The following SSBP3 variants were observed in gnomAD, a reference collection of about 807,000 sequenced individuals.
SSBP3 encodes the protein single stranded DNA binding protein 3.
Under a neutral mutation model 69.6 loss-of-function variants are expected in SSBP3, and 5 were observed. The observed-to-expected ratio is 0.07, with a 90% CI of 0.04 to 0.15. SSBP3 has a LOEUF of 0.15. Among genes scored for constraint, SSBP3 ranks in the 10% least tolerant of loss-of-function variants. The probability of loss-of-function intolerance (pLI) is 1.00; values close to 1 mark genes in which losing one functional copy is unlikely to be tolerated. For missense variants in SSBP3, 312 were observed against 534.0 expected (o/e 0.58, Z 4.10); for synonymous variants, 196 against 193.4 (o/e 1.01, Z -0.11).
intron 4 of SSBP3, among the ~76,000 whole-genome samples, chr1:54,342,575 C>T (rs1473626945): frequency 2.0e-5 from 3 of 152,122 alleles, no homozygotes; most frequent in African/African-American, 4.8e-5. Flanking sequence ...CACCACCTAC[C>T]GTGGTAAAGC....
At chr1:54,404,811 G>A (rs765803450) in intron 2 of SSBP3, 47 bp downstream of exon 2, 2 of 990,834 alleles carry the variant, frequency 2.0e-6, no homozygotes, top group South Asian at 2.7e-5. Flanking sequence ...AGAATAGTGG[G>A]GGGGGGGGGT....
chr1:54,241,595 T>C, intron 11 of SSBP3, 86 bp from the exon 12 acceptor site: 1 of 1,459,828 alleles, frequency 6.9e-7, no homozygotes, highest in Non-Finnish European at 9.6e-7. Flanking sequence ...GACCCACTCT[T>C]CACAGGAAAG....
intron 4 of SSBP3, among the ~76,000 whole-genome samples, chr1:54,294,644 T>C (rs1201871306): frequency 6.6e-6 from 1 of 152,176 alleles, no homozygotes; most frequent in Non-Finnish European, 1.5e-5. Flanking sequence ...GGGGTTCAAG[T>C]GGCCTCTGTG....
At chr1:54,320,614 C>T (rs910962950) in intron 4 of SSBP3, among the ~76,000 whole-genome samples, 2 of 152,164 alleles carry the variant, frequency 1.3e-5, no homozygotes, top group African/African-American at 4.8e-5. Context: ...AGCCACTGCT[C>T]GCCCACCAGA....
intron 4 of SSBP3, among the ~76,000 whole-genome samples, chr1:54,354,361 T>C (rs1252152016): frequency 1.3e-5 from 2 of 151,908 alleles, no homozygotes; most frequent in Non-Finnish European, 1.5e-5. Context: ...CCACAAAACA[T>C]AAGCCAATGC....
chr1:54,350,892 G>A (rs1397194472), intron 4 of SSBP3, among the ~76,000 whole-genome samples: 2 of 151,990 alleles, frequency 1.3e-5, no homozygotes, highest in African/African-American at 4.8e-5. Flanking sequence ...CTGGAGTGCA[G>A]TGGTGCAATC....
chr1:54,393,475 G>C (rs1295938584), intron 4 of SSBP3, among the ~76,000 whole-genome samples: 1 of 152,096 alleles, frequency 6.6e-6, no homozygotes, highest in Admixed American at 6.5e-5. Flanking sequence ...ACTCAGACCA[G>C]GCCGGAGGTG....
At chr1:54,285,340 C>T (rs565811442) in intron 4 of SSBP3, 1 of 152,120 alleles carries the variant, frequency 6.6e-6, no homozygotes, top group African/African-American at 2.4e-5. Flanking sequence ...TACCCTCCCC[C>T]CAACCACATC....
At chr1:54,343,494 C>A (rs1646642146) in intron 4 of SSBP3, among the ~76,000 whole-genome samples, 1 of 152,210 alleles carries the variant, frequency 6.6e-6, no homozygotes, top group Non-Finnish European at 1.5e-5. Flanking sequence ...AAAACGGACA[C>A]TAAGAGGCCA....
chr1:54,400,339 G>A (rs1039191906), intron 4 of SSBP3, among the ~76,000 whole-genome samples: 1 of 115,054 alleles, frequency 8.7e-6, no homozygotes, highest in African/African-American at 3.3e-5. Context: ...TCAAAAACTA[G>A]CAACAGTGTT....
At position 54,236,010 on chromosome 1, in the gene SSBP3, A is replaced by G. The variant is rs563530455; in HGVS notation, c.927+3119T>C. On this transcript the variant is annotated intron_variant, in intron 14 of 17. Coordinates refer to ENST00000610401, the Ensembl canonical transcript of SSBP3. ...GTTTTGTGGCCCCCTCTCCAATCCA[A>G]GTGTGGCTGGCTAGCCCCATCTAGG... 2.0e-5 allele frequency among the ~76,000 whole-genome samples: 3 copies of G among 152,338 alleles called. No individual in the cohort carries two copies. The East Asian group carries it at 5.8e-4, about 29-fold the overall frequency.
At chr1:54,310,326 G>A (rs1292924970) in intron 4 of SSBP3, among the ~76,000 whole-genome samples, 1 of 152,106 alleles carries the variant, frequency 6.6e-6, no homozygotes, top group East Asian at 1.9e-4. Flanking sequence ...CACAGGAGGA[G>A]AGCTCTTTTA....
intron 4 of SSBP3, among the ~76,000 whole-genome samples, chr1:54,291,181 A>G (rs1645600032): frequency 6.6e-6 from 1 of 152,164 alleles, no homozygotes; most frequent in Non-Finnish European, 1.5e-5. Context: ...TTTAAAATAA[A>G]TCATTAAAGG....
In SSBP3 at chr1:54,360,740, C is replaced by T. The variant is rs1176313536; in HGVS notation, c.276+41121G>A. ...ACCTCCTCGAGTCTCAATTTCCTCA[C>T]CTGCAAAATGGGGGACCATGCCCCA... On this transcript the variant is annotated intron_variant, in intron 4 of 17. Coordinates refer to ENST00000610401, the Ensembl canonical transcript of SSBP3. Among the ~76,000 whole-genome samples, 4 of 152,114 alleles carry T rather than the reference C, an allele frequency of 2.6e-5. No homozygotes were observed. The East Asian group carries it at 7.7e-4, about 29-fold the overall frequency.
chr1:54,372,997 T>A (rs1177177732), intron 4 of SSBP3, among the ~76,000 whole-genome samples: 1 of 152,206 alleles, frequency 6.6e-6, no homozygotes, highest in Non-Finnish European at 1.5e-5. Context: ...ATGCAATGTC[T>A]TTATATAATT....
chr1:54,407,854 G>C (rs1049785720), upstream of SSBP3, among the ~76,000 whole-genome samples: 6 of 149,384 alleles, frequency 4.0e-5, no homozygotes, highest in East Asian at 1.2e-3. Flanking sequence ...GGATAGGTCA[G>C]TGTCCTGGGG....
chr1:54,379,477 C>T (rs1465726722), intron 4 of SSBP3, among the ~76,000 whole-genome samples: 1 of 152,186 alleles, frequency 6.6e-6, no homozygotes, highest in Non-Finnish European at 1.5e-5. Context: ...GACAACAGAA[C>T]CCTCAGGGCT....
chr1:54,367,004 C>G (rs778839567), intron 4 of SSBP3, among the ~76,000 whole-genome samples: 11 of 152,150 alleles, frequency 7.2e-5, no homozygotes, highest in Non-Finnish European at 1.6e-4. Context: ...GGAAAGGGAA[C>G]TGTGCTATTA....
At chr1:54,283,461 T>A (rs916976409) in intron 4 of SSBP3, among the ~76,000 whole-genome samples, 1 of 152,190 alleles carries the variant, frequency 6.6e-6, no homozygotes, top group African/African-American at 2.4e-5. Context: ...GGCAAGCCAC[T>A]CGGACTTTCT....
Sources: allele counts gnomAD v4.1 joint callset (sites outside exome capture counted in the v4.1 genomes callset), GRCh38; gene constraint gnomAD v4.1.1; transcripts MANE v1.5; gene names NCBI Gene and HGNC (gene_info 2026-07-23, HGNC 2026-07-21).